ZNF804A: variants seen among roughly 807,000 people sequenced by gnomAD.
The protein encoded by ZNF804A is zinc finger protein 804A.
A neutral mutation model predicts 16.5 loss-of-function variants in ZNF804A; 2 were observed. That is an observed-to-expected ratio of 0.12 (90% CI 0.05 to 0.38). ZNF804A has a LOEUF of 0.38. Among genes scored for constraint, ZNF804A ranks in the 10% least tolerant of loss-of-function variants. The pLI, the probability that ZNF804A is intolerant of heterozygous loss-of-function variation, is 0.99. For missense variants in ZNF804A, 1,473 were observed against 1,390.7 expected (o/e 1.06, Z -0.94); for synonymous variants, 534 against 489.6 (o/e 1.09, Z -1.20).
intron 1 of ZNF804A, among the ~76,000 whole-genome samples, chr2:184,863,438 T>C (rs992130827): frequency 2.0e-5 from 3 of 152,136 alleles, no homozygotes; most frequent in Non-Finnish European, 4.4e-5. Context: ...CTGAAGCTAA[T>C]ATTTTTGAAG....
chr2:184,750,514 G>A lies in ZNF804A; in HGVS notation c.112-115855G>A, dbSNP rs1293018192. Among the ~76,000 whole-genome samples the A allele has an allele frequency of 2.0e-5, 3 of 151,122 alleles. No homozygotes were observed. In the East Asian group the frequency reaches 5.8e-4, roughly 29 times the overall value. On this transcript the variant is annotated intron_variant, in intron 1 of 3. Coordinates refer to ENST00000302277, the MANE Select transcript of ZNF804A (RefSeq NM_194250.2). ...TAATCGTTTTTTAAATCACTTTATT[G>A]AGATATGTTTGGGATACAAAAATTG... is the stretch of plus-strand genomic sequence containing the variant.
chr2:184,627,645 A>G (rs1186398985), intron 1 of ZNF804A, among the ~76,000 whole-genome samples: 2 of 152,348 alleles, frequency 1.3e-5, no homozygotes, highest in East Asian at 1.9e-4. Context: ...TTACATGTGT[A>G]TGGTAAGCAG....
At chr2:184,740,201 A>G (rs1317498434) in intron 1 of ZNF804A, among the ~76,000 whole-genome samples, 1 of 152,008 alleles carries the variant, frequency 6.6e-6, no homozygotes. Context: ...TATTCTTAAG[A>G]CTCCTCAAGT....
chr2:184,924,059 G>A (rs1342741848), intron 2 of ZNF804A, among the ~76,000 whole-genome samples: 1 of 151,114 alleles, frequency 6.6e-6, no homozygotes, highest in Non-Finnish European at 1.5e-5. Context: ...TCTTTTCCTG[G>A]TTTTGGTATC....
At chr2:184,794,355 C>T (rs1396078896) in intron 1 of ZNF804A, among the ~76,000 whole-genome samples, 3 of 152,072 alleles carry the variant, frequency 2.0e-5, no homozygotes, top group African/African-American at 7.2e-5. Flanking sequence ...CGTTTGTTGG[C>T]CATTCGTATA....
intron 1 of ZNF804A, among the ~76,000 whole-genome samples, chr2:184,607,460 T>A (rs1691168182): frequency 6.6e-6 from 1 of 152,088 alleles, no homozygotes; most frequent in Admixed American, 6.6e-5. Context: ...GTGAAGGCCC[T>A]TATAAAAGGC....
intron 1 of ZNF804A, among the ~76,000 whole-genome samples, chr2:184,703,999 C>T (rs953338249): frequency 1.1e-4 from 16 of 151,786 alleles, no homozygotes; most frequent in South Asian, 2.1e-4. Context: ...TTCAAAGATG[C>T]GAAAAGTTCT....
At chr2:184,882,780 A>G (rs1164417459) in intron 2 of ZNF804A, among the ~76,000 whole-genome samples, 2 of 152,090 alleles carry the variant, frequency 1.3e-5, no homozygotes, top group South Asian at 2.1e-4. Flanking sequence ...GGACAGAGAT[A>G]AGGCAGTGTT....
At chr2:184,636,096 A>AT (rs1206121639) in intron 1 of ZNF804A, among the ~76,000 whole-genome samples, 17 of 152,084 alleles carry the variant, frequency 1.1e-4, no homozygotes, top group Admixed American at 2.0e-4. Flanking sequence ...ATAGCTCTTA[A>AT]TTTTTTATAT....
Position 184,936,403 on chromosome 2 carries a change from C to T in ZNF804A, c.1007C>T (p.Pro336Leu), listed in dbSNP as rs1685788257. Residue 336 changes from proline to leucine, a missense_variant, in exon 4 of 4, where the codon CCA becomes CTA. Pro to Leu is a moderately conservative substitution (Grantham distance 98). Coordinates refer to ENST00000302277, the MANE Select transcript of ZNF804A (RefSeq NM_194250.2). ...QNSVPLADQI[P>L]LESVVINEDI... The stretch of plus-strand genomic sequence containing the variant: ...TCAGTCCCATTAGCAGATCAAATAC[C>T]ACTAGAGAGTGTTGTTATTAATGAA... The T allele has an allele frequency of 1.9e-6, 3 of 1,613,886 alleles. No homozygotes were observed. The highest frequency in any genetic ancestry group is 2.5e-6 in the Non-Finnish European group (3 of 1,179,912).
chr2:184,695,351 C>T (rs763007723), intron 1 of ZNF804A, among the ~76,000 whole-genome samples: 1 of 151,148 alleles, frequency 6.6e-6, no homozygotes, highest in Admixed American at 6.6e-5. Context: ...GTCCCAGCTA[C>T]TCGGGAGGCT....
intron 1 of ZNF804A, among the ~76,000 whole-genome samples, chr2:184,728,986 A>G (rs1016597302): frequency 3.9e-5 from 6 of 151,916 alleles, no homozygotes; most frequent in Admixed American, 6.6e-5. Context: ...GGATCTAAAA[A>G]TGTCCAATTC....
intron 1 of ZNF804A, among the ~76,000 whole-genome samples, chr2:184,772,226 T>C (rs1694226302): frequency 6.6e-6 from 1 of 151,326 alleles, no homozygotes; most frequent in Non-Finnish European, 1.5e-5. Flanking sequence ...TGTGCAACTG[T>C]CATTGCAATT....
Position 184,920,947 on chromosome 2 carries a change from A to T in ZNF804A, c.256-12656A>T, listed in dbSNP as rs77341249. Among the ~76,000 whole-genome samples the T allele has an allele frequency of 1.7e-3, 259 of 152,348 alleles. 8 individuals are homozygous for T. In the East Asian group the frequency reaches 0.037, roughly 22 times the overall value. ...AGGACAGGTATGCAGACCATGGAAT[A>T]AATGTGGGCTAAGCTGCTAAATTTG... On this transcript the variant is annotated intron_variant, in intron 2 of 3. Transcript: ENST00000302277.
chr2:184,710,562 T>C (rs1301373814), intron 1 of ZNF804A, among the ~76,000 whole-genome samples: 1 of 151,846 alleles, frequency 6.6e-6, no homozygotes, highest in Non-Finnish European at 1.5e-5. Context: ...TTTAAGTGTA[T>C]AATACAGTAT....
chr2:184,621,391 A>C (rs1439725209), intron 1 of ZNF804A, among the ~76,000 whole-genome samples: 3 of 151,772 alleles, frequency 2.0e-5, no homozygotes, highest in African/African-American at 7.2e-5. Context: ...GTATATAGCT[A>C]TATATCCATG....
chr2:184,653,841 A>G (rs904253503), intron 1 of ZNF804A, among the ~76,000 whole-genome samples: 1 of 152,096 alleles, frequency 6.6e-6, no homozygotes, highest in Non-Finnish European at 1.5e-5. Context: ...CAGTCCTGAG[A>G]TATTATTGGA....
chr2:184,736,676 G>A (rs577064021), intron 1 of ZNF804A, among the ~76,000 whole-genome samples: 21 of 151,468 alleles, frequency 1.4e-4, no homozygotes, highest in South Asian at 1.2e-3. Context: ...AAACCTGCAC[G>A]TTCTGCACAT....
chr2:184,623,179 C>T (rs1278730700), intron 1 of ZNF804A, among the ~76,000 whole-genome samples: 2 of 151,756 alleles, frequency 1.3e-5, no homozygotes, highest in African/African-American at 2.4e-5. Context: ...CATGTTTTAT[C>T]CTCAAAATTC....
Sources: gnomAD v4.1 joint callset for allele counts (sites outside exome capture counted in the v4.1 genomes callset) on GRCh38, gnomAD v4.1.1 for gene constraint, MANE v1.5 for transcripts, NCBI Gene and HGNC (gene_info 2026-07-23, HGNC 2026-07-21) for gene names.